The following SULT1A1 variants were observed in gnomAD, a reference collection of about 807,000 sequenced individuals.
SULT1A1 encodes the protein sulfotransferase 1A1.
A neutral mutation model predicts 36.8 loss-of-function variants in SULT1A1; 35 were observed. The observed-to-expected ratio is 0.95, with a 90% CI of 0.73 to 1.26. The LOEUF (loss-of-function observed/expected upper bound fraction) is 1.26. Ranked by LOEUF, SULT1A1 falls within the 50% of genes most tolerant of loss-of-function variation. SULT1A1 has a pLI of 0.00. For missense variants in SULT1A1, 309 were observed against 383.0 expected (o/e 0.81, Z 1.61); for synonymous variants, 119 against 146.0 (o/e 0.82, Z 1.33).
chr16:28,609,398 G>A (rs774948933), intron 1 of SULT1A1: 61 of 1,287,472 alleles, frequency 4.7e-5, no homozygotes, highest in Middle Eastern at 4.2e-4. Flanking sequence ...GGACAAACAC[G>A]GCCCATTGAG....
chr16:28,609,805 G>A (rs2047376204), intron 1 of SULT1A1, 126 bp downstream of exon 1: 1 of 1,050,906 alleles, frequency 9.5e-7, no homozygotes, highest in South Asian at 1.6e-5. Flanking sequence ...ACGCAGGCCA[G>A]GGTTGTCTGA....
chr16:28,606,199 A>G lies in SULT1A1; in HGVS notation c.632T>C (p.Val211Ala), dbSNP rs750367684. Reference protein sequence around the residue: ...KREIQKILEFVGRSLPEETVD... With the variant: ...KREIQKILEFAGRSLPEETVD... Reference sequence around the variant, plus strand: ...GGTCTCCTCTGGCAGGGAGCGCCCCACAAACTCCAGGATCTTTTGAATCTC... The same window carrying G: ...GGTCTCCTCTGGCAGGGAGCGCCCCGCAAACTCCAGGATCTTTTGAATCTC... Residue 211 changes from valine to alanine, a missense_variant, in exon 7 of 8, where the codon GTG becomes GCG. By Grantham distance (64) the Val-to-Ala change is moderately conservative (BLOSUM62 0). Transcript: ENST00000314752. 2.7e-5 allele frequency: 44 copies of G among 1,611,448 alleles called. 1 individual carries two copies. The East Asian group carries it at 9.6e-4, about 35-fold the overall frequency.
intron 2 of SULT1A1, among the ~76,000 whole-genome samples, chr16:28,617,597 A>G (rs1269425920): frequency 2.0e-5 from 3 of 150,968 alleles, no homozygotes; most frequent in Non-Finnish European, 4.4e-5. Context: ...GCTGGAGTGC[A>G]GTGGCACGAT....
In SULT1A1 at chr16:28,606,212, T is replaced by A. The variant is rs1362967724; in HGVS notation, c.619A>T (p.Ile207Phe). ...AGGGAGCGCCCCACAAACTCCAGGA[T>A]CTTTTGAATCTCCCTTTTCGGGTTC... Reference protein sequence around the residue: ...KENPKREIQKILEFVGRSLPE... With the variant: ...KENPKREIQKFLEFVGRSLPE... Residue 207 changes from isoleucine to phenylalanine, a missense_variant, in exon 7 of 8, where the codon ATC becomes TTC. This residue lies in a region of SULT1A1 where 219 missense variants were observed against 215.3 expected (regional missense o/e 1.02). Transcript: ENST00000314752. 6 of 1,610,516 alleles carry A rather than the reference T, an allele frequency of 3.7e-6. No homozygotes were observed. The Admixed American group carries it at 5.0e-5, about 14-fold the overall frequency.
chr16:28,607,131 G>T, intron 4 of SULT1A1, 54 bp from the exon 5 acceptor site: 1 of 1,603,138 alleles, frequency 6.2e-7, no homozygotes, highest in Non-Finnish European at 8.5e-7. Context: ...CCTGTCCCAG[G>T]CCAGCTCATC....
chr16:28,610,266 T>A, upstream of SULT1A1: 1 of 771,372 alleles, frequency 1.3e-6, no homozygotes, highest in Non-Finnish European at 1.6e-6. Context: ...TTTTTTCTGT[T>A]TTTTTTTTTT....
At chr16:28,609,017 C>T (rs1311285652) in intron 1 of SULT1A1, 158 bp from the exon 2 acceptor site, 6 of 1,533,312 alleles carry the variant, frequency 3.9e-6, no homozygotes, top group Non-Finnish European at 5.3e-6. Context: ...GGCTGAAAAC[C>T]AGGTCGGGCT....
chr16:28,607,426 T>C, intron 4 of SULT1A1: 1 of 259,878 alleles, frequency 3.8e-6, no homozygotes, highest in East Asian at 8.0e-5. Context: ...GAGTCTTACG[T>C]TCTTGGTCAT....
intron 2 of SULT1A1, among the ~76,000 whole-genome samples, chr16:28,616,963 C>T (rs562958004): frequency 1.2e-4 from 19 of 152,224 alleles, no homozygotes; most frequent in Middle Eastern, 3.4e-3. Context: ...GCTCTTCTGC[C>T]CCTGGAATGA....
chr16:28,623,172 TG>T lies in SULT1A1; in HGVS notation c.25del (p.Gln9ArgfsTer16). ...GACCGCGATGGGCGCACCGACCACC[TG>T]GTCGCACAGCAACTTGGCCAGCATG... On this transcript the variant is annotated frameshift_variant, in exon 1 of 6. Transcript: ENST00000350842. LOFTEE classifies it high-confidence loss of function. The T allele has an allele frequency of 7.0e-7, 1 of 1,425,888 alleles. No homozygotes were observed. Among genetic ancestry groups the T allele is most frequent in the Non-Finnish European group, 9.3e-7 (1 of 1,077,454 alleles). 88.3% of individuals were successfully genotyped at this position (1,425,888 alleles called of 1,614,324 possible). A position where few individuals can be genotyped will look rare whatever the true frequency, so the allele number is the denominator to read the frequency against.
Position 28,605,726 on chromosome 16 carries a change from C to T in SULT1A1, c.*95G>A. On this transcript the variant is annotated 3_prime_UTR_variant, in exon 8 of 8. Transcript: ENST00000314752. ...AAATTGCTGGGATTACAGACATGAC[C>T]TACCGTCCCGGGCCCTCAATTCATA... 2 of 1,574,282 alleles carry T rather than the reference C, an allele frequency of 1.3e-6. No homozygotes were observed. Among genetic ancestry groups the T allele is most frequent in the South Asian group, 2.3e-5 (2 of 87,742 alleles).
At chr16:28,611,069 C>G (rs762875192), upstream of SULT1A1, 1 of 152,404 alleles carries the variant, frequency 6.6e-6, no homozygotes, top group Non-Finnish European at 1.5e-5. Context: ...GAGGAATCCC[C>G]GTGACTGGCA....
In SULT1A1 at chr16:28,617,094, C is replaced by T. The variant is rs549923694; in HGVS notation, c.138+2969G>A. ...GCAGTGGTACAATCATAGCTTACTG[C>T]AGTCTTGACCTCCTGGGCTCAGGAG... is the stretch of plus-strand genomic sequence containing the variant. On this transcript the variant is annotated intron_variant, in intron 2 of 5. Coordinates refer to the SULT1A1 transcript ENST00000350842. Among the ~76,000 whole-genome samples, 5 of 152,098 alleles carry T rather than the reference C, an allele frequency of 3.3e-5. No individual in the cohort carries two copies. In the South Asian group the frequency reaches 1.0e-3, roughly 32 times the overall value.
chr16:28,617,780 T>G (rs928992592), intron 2 of SULT1A1, among the ~76,000 whole-genome samples: 7 of 152,012 alleles, frequency 4.6e-5, no homozygotes, highest in African/African-American at 1.7e-4. Flanking sequence ...GACCTAGTGA[T>G]CCGCCTGCCA....
At chr16:28,609,126 C>A in intron 1 of SULT1A1, 4 of 1,418,694 alleles carry the variant, frequency 2.8e-6, no homozygotes, top group Non-Finnish European at 3.7e-6. Flanking sequence ...AGTGAAAGCA[C>A]CCTCGTCGGG....
In SULT1A1 at chr16:28,605,691, C is replaced by A; in HGVS notation, c.*130G>T. 6 of 1,492,780 alleles carry A rather than the reference C, an allele frequency of 4.0e-6. No individual in the cohort carries two copies. Among genetic ancestry groups the A allele is most frequent in the Non-Finnish European group, 5.5e-6 (6 of 1,091,144 alleles). The allele number at this position is 1,492,780 out of a possible 1,614,324, so 92.5% of individuals were successfully genotyped here. A position where few individuals can be genotyped will look rare whatever the true frequency, so the allele number is the denominator to read the frequency against. Reference sequence around the variant, plus strand: ...TCCTGGGCTCAAATGATCCTCCCACCTCAGCCTCCAAATTGCTGGGATTAC... The same window carrying A: ...TCCTGGGCTCAAATGATCCTCCCACATCAGCCTCCAAATTGCTGGGATTAC... On this transcript the variant is annotated 3_prime_UTR_variant, in exon 8 of 8. Transcript: ENST00000314752.
At chr16:28,610,265 T>TTTTG (rs2047399744), upstream of SULT1A1, 1 of 508,530 alleles carries the variant, frequency 2.0e-6, no homozygotes, top group African/African-American at 1.1e-4. Context: ...TTTTTTTCTG[T>TTTTG]TTTTTTTTTT....
At chr16:28,606,592 C>T (rs946677931) in intron 6 of SULT1A1, among the ~76,000 whole-genome samples, 169 bp downstream of exon 6, 22 of 143,684 alleles carry the variant, frequency 1.5e-4, no homozygotes, top group Non-Finnish European at 2.8e-4. Flanking sequence ...GTGTGGGGCC[C>T]GCTGCCAGGT....
Position 28,609,915 on chromosome 16 carries a change from C to G in SULT1A1, c.-5+16G>C. ...CAGGGTGAGGGCGCCCTGGGCCGTTCCACTGTGTCACTCACCTGAGCTCTT... is the reference window on the plus strand; with the variant it reads ...CAGGGTGAGGGCGCCCTGGGCCGTTGCACTGTGTCACTCACCTGAGCTCTT... On this transcript the variant is annotated intron_variant, in intron 1 of 7. Coordinates refer to ENST00000314752, the MANE Select transcript of SULT1A1 (RefSeq NM_001055.4). 3 of 1,283,148 alleles carry G rather than the reference C, an allele frequency of 2.3e-6. No individual in the cohort carries two copies. Among genetic ancestry groups the G allele is most frequent in the South Asian group, 2.5e-5 (2 of 80,226 alleles). 79.5% of individuals were successfully genotyped at this position (1,283,148 alleles called of 1,614,324 possible). A position where few individuals can be genotyped will look rare whatever the true frequency, so the allele number is the denominator to read the frequency against.
Sources: allele counts gnomAD v4.1 joint callset (sites outside exome capture counted in the v4.1 genomes callset), GRCh38; gene constraint gnomAD v4.1.1; regional missense constraint gnomAD v4.1.1; transcripts MANE v1.5; gene names NCBI Gene and HGNC (gene_info 2026-07-23, HGNC 2026-07-21).